Variants in AHI1 observed in about 807,000 individuals in gnomAD.
AHI1 encodes the protein Abelson helper integration site 1, also known as jouberin.
AHI1 carries 123 observed loss-of-function variants against 149.3 expected under a neutral mutation model. That is an observed-to-expected ratio of 0.82 (90% CI 0.71 to 0.96). The LOEUF (loss-of-function observed/expected upper bound fraction) is 0.96, where lower values mean the gene tolerates loss of function less well. Among genes scored for constraint, AHI1 ranks in the 40% least tolerant of loss-of-function variants. AHI1 has a pLI of 0.00. For missense variants in AHI1, 1,439 were observed against 1,422.7 expected (o/e 1.01, Z -0.18); for synonymous variants, 475 against 459.8 (o/e 1.03, Z -0.42).
chr6:135,329,950 G>C (rs1788290658), intron 24 of AHI1, among the ~76,000 whole-genome samples: 1 of 152,192 alleles, frequency 6.6e-6, no homozygotes, highest in African/African-American at 2.4e-5. Flanking sequence ...AAGAAAACTA[G>C]AATTAGAAGT....
At chr6:135,371,299 G>T (rs1030557073) in intron 23 of AHI1, among the ~76,000 whole-genome samples, 1 of 152,174 alleles carries the variant, frequency 6.6e-6, no homozygotes, top group South Asian at 2.1e-4. Flanking sequence ...CTTTGGATAA[G>T]AAACCCTTTA....
At position 135,490,703 on chromosome 6, in the gene AHI1, A is replaced by G; in HGVS notation, c.55T>C (p.Leu19=). 3 of 1,613,290 alleles carry G rather than the reference A, an allele frequency of 1.9e-6. No individual in the cohort carries two copies. The East Asian group carries it at 6.7e-5, about 36-fold the overall frequency. Residue 19 remains leucine (L), a synonymous_variant, in exon 5 of 29, where the codon TTG becomes CTG. Transcript: ENST00000265602. ...KVKTKVRFEE[L]LKTHSDLMRE... ...ATTAGATCACTGTGGGTCTTAAGCAATTCTTCAAAGCGAACTTTGGTTTTT... is the reference window on the plus strand; with the variant it reads ...ATTAGATCACTGTGGGTCTTAAGCAGTTCTTCAAAGCGAACTTTGGTTTTT...
intron 27 of AHI1, among the ~76,000 whole-genome samples, chr6:135,292,109 T>C (rs1319402593): frequency 1.3e-5 from 2 of 148,232 alleles, no homozygotes; most frequent in East Asian, 2.0e-4. Flanking sequence ...GGCAGCTAAT[T>C]ACACACACAC....
chr6:135,390,341 AGGAAATAGGAT>A (rs1291525799), intron 23 of AHI1, among the ~76,000 whole-genome samples: 1 of 152,250 alleles, frequency 6.6e-6, no homozygotes, highest in African/African-American at 2.4e-5. Flanking sequence ...ATTAATCCTC[AGGAAATAGGAT>A]GTCCTCCTTG....
At chr6:135,346,190 T>TTTTA (rs1554285974) in intron 24 of AHI1, among the ~76,000 whole-genome samples, 26 of 151,728 alleles carry the variant, frequency 1.7e-4, no homozygotes, top group African/African-American at 5.1e-4. Context: ...TTATTTTTAT[T>TTTTA]TTTATTTATT....
At chr6:135,395,039 T>C (rs1169267557) in intron 22 of AHI1, 143 bp from the exon 23 acceptor site, 9 of 774,356 alleles carry the variant, frequency 1.2e-5, no homozygotes, top group Non-Finnish European at 1.6e-5. Flanking sequence ...ATGGTTAGTT[T>C]GTAAACTTTA....
At chr6:135,456,221 C>T (rs1384537812) in intron 9 of AHI1, among the ~76,000 whole-genome samples, 1 of 152,054 alleles carries the variant, frequency 6.6e-6, no homozygotes, top group Non-Finnish European at 1.5e-5. Context: ...AAACTAACTC[C>T]TTCAGAATTT....
intron 23 of AHI1, among the ~76,000 whole-genome samples, chr6:135,360,594 G>A (rs1198174503): frequency 6.6e-6 from 1 of 152,086 alleles, no homozygotes; most frequent in African/African-American, 2.4e-5. Flanking sequence ...CTTCCTACTG[G>A]TTCTGTTTCT....
chr6:135,336,973 C>T (rs1036481284), intron 24 of AHI1, among the ~76,000 whole-genome samples: 1 of 152,100 alleles, frequency 6.6e-6, no homozygotes, highest in Non-Finnish European at 1.5e-5. Context: ...GTTTCCTTAA[C>T]TATAAACTAA....
chr6:135,467,430 T>C (rs943918594), intron 6 of AHI1, 151 bp downstream of exon 6: 80 of 616,300 alleles, frequency 1.3e-4, no homozygotes, highest in Non-Finnish European at 2.1e-4. Context: ...ACTGCTGATA[T>C]TAAAATAAAA....
chr6:135,465,855 T>C lies in AHI1; in HGVS notation c.708A>G (p.Lys236=), dbSNP rs368281930. The C allele has an allele frequency of 4.0e-5, 60 of 1,486,202 alleles. No individual in the cohort carries two copies. Among genetic ancestry groups the C allele is most frequent in the East Asian group, 1.9e-4 (8 of 42,832 alleles). 92.1% of individuals were successfully genotyped at this position (1,486,202 alleles called of 1,614,324 possible). A position where few individuals can be genotyped will look rare whatever the true frequency, so the allele number is the denominator to read the frequency against. The change falls in exon 7 of 29, where the codon AAA becomes AAG. Residue 236 remains lysine (K), a synonymous_variant. Transcript: ENST00000265602. The part of the protein sequence containing the change: ...HDDKLSSEKR[K]KKKEVPVFSK... ...AGAAGACTGGAACTTCCTTTTTCTT[T>C]TTCCTTTTTTCACTGCTTAGTTTGT... is the stretch of plus-strand genomic sequence containing the variant.
In AHI1 at chr6:135,299,728, T is replaced by C; in HGVS notation, c.3485+772A>G. Reference sequence around the variant, plus strand: ...GTACTAATTAAAAATATAAAAACTTTCCAGAGTTCTTTTAAAATAAATACT... The same window carrying C: ...GTACTAATTAAAAATATAAAAACTTCCCAGAGTTCTTTTAAAATAAATACT... On this transcript the variant is annotated intron_variant, in intron 27 of 28. Coordinates refer to ENST00000265602, the MANE Select transcript of AHI1 (RefSeq NM_001134831.2). Among the ~76,000 whole-genome samples the C allele has an allele frequency of 2.6e-5, 4 of 152,156 alleles. 1 individual carries two copies. The Middle Eastern group carries it at 0.01, about 391-fold the overall frequency.
At chr6:135,441,599 GTTTA>G (rs951986503) in intron 14 of AHI1, among the ~76,000 whole-genome samples, 34 of 152,070 alleles carry the variant, frequency 2.2e-4, no homozygotes, top group Non-Finnish European at 4.1e-4. Flanking sequence ...TTTAAAGCAA[GTTTA>G]TTTAAGCATA....
intron 28 of AHI1, among the ~76,000 whole-genome samples, chr6:135,287,407 G>A (rs1230042691): frequency 6.6e-6 from 1 of 152,182 alleles, no homozygotes; most frequent in Non-Finnish European, 1.5e-5. Flanking sequence ...GCATAAAAGG[G>A]AGAAAAGAGA....
intron 27 of AHI1, among the ~76,000 whole-genome samples, chr6:135,299,553 A>T (rs1376994886): frequency 6.6e-6 from 1 of 152,174 alleles, no homozygotes; most frequent in Non-Finnish European, 1.5e-5. Flanking sequence ...TTAGTAATGT[A>T]ATTTGAATAT....
In AHI1 at chr6:135,404,956, C is replaced by T; in HGVS notation, c.2983G>A (p.Ala995Thr). 6 of 1,608,114 alleles carry T rather than the reference C, an allele frequency of 3.7e-6. No individual in the cohort carries two copies. Among genetic ancestry groups the T allele is most frequent in the Non-Finnish European group, 5.1e-6 (6 of 1,175,182 alleles). ...TGGTAATAAAAACTACTTACTTTTGCAGCACAGGAACGTATCACCTCCTAA... is the reference window on the plus strand; with the variant it reads ...TGGTAATAAAAACTACTTACTTTTGTAGCACAGGAACGTATCACCTCCTAA... Reference protein sequence around the residue: ...TVTEVIRSCAAKVNKNLSFTS... With the variant: ...TVTEVIRSCATKVNKNLSFTS... Residue 995 changes from alanine to threonine, a missense_variant, in exon 22 of 29, where the codon GCA becomes ACA. By Grantham distance (58) the Ala-to-Thr change is moderately conservative. Transcript: ENST00000265602.
At chr6:135,363,109 A>G (rs1199343223) in intron 23 of AHI1, among the ~76,000 whole-genome samples, 1 of 151,182 alleles carries the variant, frequency 6.6e-6, no homozygotes, top group Non-Finnish European at 1.5e-5. Context: ...GGGATTTGGC[A>G]GGGTCACAGG....
chr6:135,398,881 C>G (rs1257429781), intron 22 of AHI1, among the ~76,000 whole-genome samples: 1 of 152,120 alleles, frequency 6.6e-6, no homozygotes, highest in Non-Finnish European at 1.5e-5. Flanking sequence ...ATCCTTAAAG[C>G]TCTTCCAAAT....
intron 23 of AHI1, among the ~76,000 whole-genome samples, chr6:135,370,328 A>T (rs983297738): frequency 2.6e-5 from 4 of 152,168 alleles, no homozygotes; most frequent in Non-Finnish European, 5.9e-5. Context: ...TGGGATTTAA[A>T]CTTCTAGAGA....
Sources: allele counts gnomAD v4.1 joint callset (sites outside exome capture counted in the v4.1 genomes callset), GRCh38; gene constraint gnomAD v4.1.1; transcripts MANE v1.5; gene names NCBI Gene and HGNC (gene_info 2026-07-23, HGNC 2026-07-21).